The following MCF2L2 variants were observed in gnomAD, a reference collection of about 807,000 sequenced individuals.
The protein encoded by MCF2L2 is probable guanine nucleotide exchange factor MCF2L2.
A neutral mutation model predicts 150.2 loss-of-function variants in MCF2L2; 102 were observed. That is an observed-to-expected ratio of 0.68 (90% CI 0.58 to 0.80). MCF2L2 has a LOEUF of 0.80. Among genes scored for constraint, MCF2L2 ranks in the 30% least tolerant of loss-of-function variants. The pLI is 0.00. For synonymous variants in MCF2L2, 465 were observed against 491.3 expected (o/e 0.95, Z 0.71); for missense variants, 1,256 against 1,372.8 (o/e 0.91, Z 1.34).
At chr3:183,195,125 G>A (rs1216604113) in intron 26 of MCF2L2, 97 bp downstream of exon 26, 3 of 1,041,866 alleles carry the variant, frequency 2.9e-6, no homozygotes, top group African/African-American at 1.6e-5. Flanking sequence ...TAAGCCAAGT[G>A]TTGGGGGAAG....
At chr3:183,230,415 A>C (rs1723505977) in intron 16 of MCF2L2, among the ~76,000 whole-genome samples, 1 of 152,200 alleles carries the variant, frequency 6.6e-6, no homozygotes, top group Non-Finnish European at 1.5e-5. Context: ...CATCCGGCCC[A>C]ATAATTATTT....
chr3:183,351,090 A>G (rs1174597638), intron 3 of MCF2L2, among the ~76,000 whole-genome samples: 1 of 150,664 alleles, frequency 6.6e-6, no homozygotes, highest in East Asian at 1.9e-4. Context: ...TCTGAAAATC[A>G]CTAAATATAA....
chr3:183,357,454 T>C (rs1278397386), intron 3 of MCF2L2, among the ~76,000 whole-genome samples: 1 of 152,098 alleles, frequency 6.6e-6, no homozygotes, highest in Non-Finnish European at 1.5e-5. Flanking sequence ...TACAGGTCAA[T>C]CATCCTTAAT....
At chr3:183,401,930 TCAGA>T (rs752510533) in intron 1 of MCF2L2, among the ~76,000 whole-genome samples, 42 of 152,334 alleles carry the variant, frequency 2.8e-4, no homozygotes, top group East Asian at 1.7e-3. Context: ...TACCTTTCTC[TCAGA>T]CAAATATCTA....
At chr3:183,218,075 G>A (rs111660741) in intron 21 of MCF2L2, among the ~76,000 whole-genome samples, 3 of 152,242 alleles carry the variant, frequency 2.0e-5, no homozygotes, top group Admixed American at 6.5e-5. Flanking sequence ...TTGCTGCTCC[G>A]CATCTGGCCC....
Position 183,309,716 on chromosome 3 carries a change from C to A in MCF2L2, c.1113G>T (p.Gln371His). Residue 371 changes from glutamine (Q) to histidine (H), a missense_variant and splice_region_variant, in exon 10 of 30, where the codon CAG becomes CAT. Transcript: ENST00000328913. ...TACACAAAAATGTCAGAAAGCAAAC[C>A]TGGCTTTTTTCCTCCAGTTTTTTGT... The part of the protein sequence containing the change: ...KEHKKLEEKS[Q>H]EPLEKAQLLA... 1 of 1,613,960 alleles carries A rather than the reference C, an allele frequency of 6.2e-7. No homozygotes were observed. The highest frequency in any genetic ancestry group is 8.5e-7 in the Non-Finnish European group (1 of 1,179,986).
intron 14 of MCF2L2, among the ~76,000 whole-genome samples, chr3:183,285,280 A>G (rs905570372): frequency 1.3e-5 from 2 of 152,238 alleles, no homozygotes; most frequent in African/African-American, 4.8e-5. Flanking sequence ...TGAAATTGCT[A>G]TGATTTATCA....
Position 183,289,177 on chromosome 3 carries a change from C to T in MCF2L2, c.1719G>A (p.Thr573=), listed in dbSNP as rs764728152. 5.6e-6 allele frequency: 9 copies of T among 1,613,822 alleles called. No individual in the cohort carries two copies. The highest frequency in any genetic ancestry group is 4.5e-5 in the East Asian group (2 of 44,886). Residue 573 remains threonine (T), a synonymous_variant, in exon 14 of 30, where the codon ACG becomes ACA. Transcript: ENST00000328913. ...TTCCCCGGGAGTTCAACTCTGTCTCCGTATAAGGTTCCTCAGACGTTCTCA... is the reference window on the plus strand; with the variant it reads ...TTCCCCGGGAGTTCAACTCTGTCTCTGTATAAGGTTCCTCAGACGTTCTCA... ...RPLRTSEEPY[T]ETELNSRGKE...
chr3:183,179,593 G>A lies in MCF2L2; in HGVS notation c.3205C>T (p.Arg1069Cys). 6.2e-6 allele frequency: 10 copies of A among 1,614,054 alleles called. No individual in the cohort carries two copies. The highest frequency in any genetic ancestry group is 2.7e-5 in the African/African-American group (2 of 75,034). The change falls in exon 29 of 30, where the codon CGC becomes TGC. Residue 1069 changes from arginine (R) to cysteine (C), a missense_variant. Coordinates refer to ENST00000328913, the MANE Select transcript of MCF2L2 (RefSeq NM_015078.4). The surrounding 1 kb of genome is among the most constrained non-coding windows in gnomAD (Gnocchi z 4.2). ...GESSQGEKEE[R>C]DEEETATRST... ...CACACTCACGTTTCCTCCTCATCGC[G>A]TTCTTCTTTTTCTCCCTGGCTGCTT...
At chr3:183,427,381 T>C (rs1199697556) in intron 1 of MCF2L2, among the ~76,000 whole-genome samples, 3 of 152,226 alleles carry the variant, frequency 2.0e-5, no homozygotes, top group Non-Finnish European at 4.4e-5. Flanking sequence ...ATCAGGGGTG[T>C]GCTTAACCCT....
At chr3:183,250,065 C>T (rs1724445331) in intron 15 of MCF2L2, among the ~76,000 whole-genome samples, 1 of 152,156 alleles carries the variant, frequency 6.6e-6, no homozygotes, top group Non-Finnish European at 1.5e-5. Flanking sequence ...AGACATATAA[C>T]TTATACAGTG....
intron 7 of MCF2L2, among the ~76,000 whole-genome samples, chr3:183,315,090 C>A (rs1284815990): frequency 6.7e-6 from 1 of 148,578 alleles, no homozygotes; most frequent in Non-Finnish European, 1.5e-5. Context: ...GTGCCAGCTA[C>A]CATTCCCGGC....
chr3:183,303,610 C>G (rs114399091), intron 10 of MCF2L2, among the ~76,000 whole-genome samples: 1 of 152,184 alleles, frequency 6.6e-6, no homozygotes, highest in South Asian at 2.1e-4. Context: ...CCGCAGGGAC[C>G]GTCGCCTTCT....
intron 1 of MCF2L2, among the ~76,000 whole-genome samples, chr3:183,404,446 A>C (rs1360060064): frequency 1.3e-5 from 2 of 152,248 alleles, no homozygotes; most frequent in Non-Finnish European, 2.9e-5. Context: ...GATCAAGTGA[A>C]AACAAGAACC....
At chr3:183,331,014 G>A (rs1410173606) in intron 5 of MCF2L2, among the ~76,000 whole-genome samples, 2 of 152,062 alleles carry the variant, frequency 1.3e-5, no homozygotes, top group Non-Finnish European at 2.9e-5. Flanking sequence ...TAGAGACAGG[G>A]AAGGGGTTAG....
At chr3:183,327,716 G>A (rs949924108) in intron 5 of MCF2L2, among the ~76,000 whole-genome samples, 1 of 152,092 alleles carries the variant, frequency 6.6e-6, no homozygotes. Flanking sequence ...TGTTATTTAG[G>A]CTGACATATC....
At chr3:183,328,061 G>C (rs1260016550) in intron 5 of MCF2L2, among the ~76,000 whole-genome samples, 6 of 152,058 alleles carry the variant, frequency 3.9e-5, no homozygotes, top group Non-Finnish European at 8.8e-5. Context: ...CTGACCTCTG[G>C]GAAGAAGAAG....
At chr3:183,419,401 C>A (rs548477690) in intron 1 of MCF2L2, among the ~76,000 whole-genome samples, 1 of 152,340 alleles carries the variant, frequency 6.6e-6, no homozygotes, top group South Asian at 2.1e-4. Context: ...TTATGCAAAT[C>A]TTTGCAGCCA....
At chr3:183,402,331 G>A (rs111475815) in intron 1 of MCF2L2, among the ~76,000 whole-genome samples, 11,037 of 151,444 alleles carry the variant, frequency 0.073, 847 homozygotes, top group African/African-American at 0.19. Context: ...CCGGGTGCCT[G>A]TAGTCCCAGC....
Sources: gnomAD v4.1 joint callset for allele counts (sites outside exome capture counted in the v4.1 genomes callset) on GRCh38, gnomAD v4.1.1 for gene constraint, Gnocchi (gnomAD v3.1) non-coding constraint, MANE v1.5 for transcripts, NCBI Gene and HGNC (gene_info 2026-07-23, HGNC 2026-07-21) for gene names.